The following BCL11B variants were observed in gnomAD, a reference collection of about 807,000 sequenced individuals.
The protein encoded by BCL11B is B-cell lymphoma/leukemia 11B.
In BCL11B, 8 loss-of-function variants were observed where a neutral mutation model predicts 49.9. The ratio of observed to expected loss-of-function variants is 0.16; its 90% CI spans 0.09 to 0.29. The LOEUF (loss-of-function observed/expected upper bound fraction) is 0.29, where lower values mean the gene tolerates loss of function less well. BCL11B is among the 10% of genes least tolerant of loss of function. BCL11B has a pLI of 1.00. For synonymous variants in BCL11B, 739 were observed against 637.4 expected, an observed-to-expected ratio of 1.16 and a Z score of -2.40; for missense variants, 1,006 against 1,351.0, an observed-to-expected ratio of 0.74 and a Z score of 4.00.
chr14:99,207,311 C>A (rs989419048), intron 3 of BCL11B, among the ~76,000 whole-genome samples: 2 of 152,136 alleles, frequency 1.3e-5, no homozygotes, highest in African/African-American at 2.4e-5. Flanking sequence ...GCTCAGGGGG[C>A]CCCCTGCACC....
At chr14:99,178,445 C>T (rs1886602896) in intron 3 of BCL11B, among the ~76,000 whole-genome samples, 1 of 152,190 alleles carries the variant, frequency 6.6e-6, no homozygotes. Flanking sequence ...GGACGCCTTC[C>T]CAAGGCCCTG....
At chr14:99,249,583 T>C (rs1229272749) in intron 2 of BCL11B, among the ~76,000 whole-genome samples, 2 of 151,994 alleles carry the variant, frequency 1.3e-5, no homozygotes, top group Non-Finnish European at 2.9e-5. Context: ...GGCAGAGAGG[T>C]GGATGGAATG....
Position 99,262,769 on chromosome 14 carries a change from A to C in BCL11B, c.59-4930T>G. Among the ~76,000 whole-genome samples, 1 of 151,918 alleles carries C rather than the reference A, an allele frequency of 6.6e-6. No individual in the cohort carries two copies. Among genetic ancestry groups the C allele is most frequent in the Admixed American group, 6.6e-5 (1 of 15,264 alleles). ...CTCCAGGCGACACGGAAACGCCACCACACGCACACTCGACGGAGCACAACA... is the reference window on the plus strand; with the variant it reads ...CTCCAGGCGACACGGAAACGCCACCCCACGCACACTCGACGGAGCACAACA... On this transcript the variant is annotated intron_variant, in intron 1 of 3. Coordinates refer to ENST00000357195, the MANE Select transcript of BCL11B (RefSeq NM_138576.4). The surrounding 1 kb of genome is among the most constrained non-coding windows in gnomAD (Gnocchi z 4.2).
At chr14:99,258,341 C>T (rs987658439) in intron 1 of BCL11B, among the ~76,000 whole-genome samples, 3 of 152,198 alleles carry the variant, frequency 2.0e-5, no homozygotes, top group Non-Finnish European at 2.9e-5. Flanking sequence ...TTCCAATGGG[C>T]AGCCAGGGCC....
chr14:99,231,437 A>C lies in BCL11B; in HGVS notation c.548T>G (p.Leu183Arg). Residue 183 changes from leucine to arginine, a missense_variant, in exon 3 of 4, where the codon CTG becomes CGG. By Grantham distance (102) the Leu-to-Arg change is moderately radical. Around this residue, in one of 6 missense-constraint regions of BCL11B, gnomAD observed 411 missense variants for 542.2 expected, o/e 0.76. Coordinates refer to ENST00000357195, the MANE Select transcript of BCL11B (RefSeq NM_138576.4). The surrounding 1 kb of genome is among the most constrained non-coding windows in gnomAD (Gnocchi z 8.1). ...GACCGGGCGCGCGCTGCAGCACGGCAGGGGGAGGCAGGGCGGGAGAGCGCC... is the reference window on the plus strand; with the variant it reads ...GACCGGGCGCGCGCTGCAGCACGGCCGGGGGAGGCAGGGCGGGAGAGCGCC... The part of the protein sequence containing the change: ...ALGALPPCLP[L>R]PCCSARPVSG... 1 of 1,596,242 alleles carries C rather than the reference A, an allele frequency of 6.3e-7. No homozygotes were observed. The highest frequency in any genetic ancestry group is 8.5e-7 in the Non-Finnish European group (1 of 1,170,994).
At chr14:99,244,579 C>T (rs935899830) in intron 2 of BCL11B, among the ~76,000 whole-genome samples, 1 of 152,186 alleles carries the variant, frequency 6.6e-6, no homozygotes, top group Admixed American at 6.5e-5. Flanking sequence ...TATAAATGGA[C>T]GTCTGAGAAA....
chr14:99,265,978 C>T (rs919977078), intron 1 of BCL11B, among the ~76,000 whole-genome samples: 2 of 152,152 alleles, frequency 1.3e-5, no homozygotes, highest in African/African-American at 4.8e-5. Flanking sequence ...TGATCAAAAG[C>T]ACATATATTC....
In BCL11B at chr14:99,231,440, G is replaced by A. The variant is rs1888331793; in HGVS notation, c.545C>T (p.Pro182Leu). 6.3e-7 allele frequency: 1 copy of A among 1,597,368 alleles called. No individual in the cohort carries two copies. ...RALGALPPCL[P>L]LPCCSARPVS... ...CGGGCGCGCGCTGCAGCACGGCAGG[G>A]GGAGGCAGGGCGGGAGAGCGCCCAG... Residue 182 changes from proline (P) to leucine (L), a missense_variant, in exon 3 of 4, where the codon CCC becomes CTC. This residue lies in a region of BCL11B where 411 missense variants were observed against 542.2 expected (regional missense o/e 0.76). Coordinates refer to ENST00000357195, the MANE Select transcript of BCL11B (RefSeq NM_138576.4). The surrounding 1 kb of genome is among the most constrained non-coding windows in gnomAD (Gnocchi z 8.1).
chr14:99,178,916 C>T (rs1016543991), intron 3 of BCL11B, among the ~76,000 whole-genome samples: 1 of 152,170 alleles, frequency 6.6e-6, no homozygotes, highest in Non-Finnish European at 1.5e-5. Context: ...TTCATCATCT[C>T]TGTTTCCCTG....
At chr14:99,229,047 G>GATGGATGGATGGATGC (rs1888243726) in intron 3 of BCL11B, among the ~76,000 whole-genome samples, 7 of 104,322 alleles carry the variant, frequency 6.7e-5, no homozygotes, top group Admixed American at 9.7e-5. Context: ...TGGATGCATG[G>GATGGATGGATGGATGC]ATGGATGGAT....
At chr14:99,215,135 G>A (rs561734504) in intron 3 of BCL11B, among the ~76,000 whole-genome samples, 26 of 110,840 alleles carry the variant, frequency 2.3e-4, no homozygotes, top group African/African-American at 8.8e-4. Flanking sequence ...AGATATCCAC[G>A]TTCTCCCTCC....
At chr14:99,252,548 G>C (rs1889036967) in intron 2 of BCL11B, among the ~76,000 whole-genome samples, 1 of 152,114 alleles carries the variant, frequency 6.6e-6, no homozygotes, top group Admixed American at 6.5e-5. Flanking sequence ...ACCCTTATCT[G>C]TGCCCCACCT....
In BCL11B at chr14:99,175,223, T is replaced by A. The variant is rs765901794; in HGVS notation, c.1613A>T (p.Glu538Val). Residue 538 changes from glutamate (E) to valine (V), a missense_variant, in exon 4 of 4, where the codon GAG becomes GTG. Physicochemically the swap from Glu to Val is moderately radical, Grantham distance 121. Transcript: ENST00000357195. Reference sequence around the variant, plus strand: ...CAGTAGCAGCTCCTCCTCCTCCTCCTCCTCCTCCTCGTCCTCCTCCTCCGG... The same window carrying A: ...CAGTAGCAGCTCCTCCTCCTCCTCCACCTCCTCCTCGTCCTCCTCCTCCGG... ...HEPEEEDEEEEEEEEELLLEN... is the reference protein window; with the variant it reads ...HEPEEEDEEEVEEEEELLLEN... 3.2e-6 allele frequency: 5 copies of A among 1,551,072 alleles called. No homozygotes were observed. The highest frequency in any genetic ancestry group is 4.3e-6 in the Non-Finnish European group (5 of 1,150,768).
chr14:99,204,383 G>A (rs1887474400), intron 3 of BCL11B, among the ~76,000 whole-genome samples: 1 of 152,170 alleles, frequency 6.6e-6, no homozygotes, highest in African/African-American at 2.4e-5. Flanking sequence ...CCACTGGCCT[G>A]TCCTGAGCAC....
At chr14:99,265,967 A>G (rs979864989) in intron 1 of BCL11B, among the ~76,000 whole-genome samples, 9 of 152,202 alleles carry the variant, frequency 5.9e-5, no homozygotes, top group African/African-American at 2.2e-4. Flanking sequence ...TAGAAATCCT[A>G]TGATCAAAAG....
In BCL11B at chr14:99,173,132, G is replaced by C. The variant is rs1886344185; in HGVS notation, c.*1019C>G. 4.3e-6 allele frequency: 1 copy of C among 230,708 alleles called. No homozygotes were observed. The highest frequency in any genetic ancestry group is 2.2e-5 in the African/African-American group (1 of 45,182). The allele number at this position is 230,708 out of a possible 1,614,324, so 14.3% of individuals were successfully genotyped here. A position where few individuals can be genotyped will look rare whatever the true frequency, so the allele number is the denominator to read the frequency against. On this transcript the variant is annotated 3_prime_UTR_variant, in exon 4 of 4. Transcript: ENST00000357195. ...CCGTCAAGCCAGAAAACGCCTAAAA[G>C]AACACCGCTAGTTTCTTCCTTTCTG...
In BCL11B at chr14:99,184,394, A is replaced by C. The variant is rs886197750; in HGVS notation, c.641-8199T>G. ...TTTTGTCTTTGACCTTGGTGTGTTC[A>C]GCATGGCTACAGCCTGCACGTGCCA... is the stretch of plus-strand genomic sequence containing the variant. On this transcript the variant is annotated intron_variant, in intron 3 of 3. Transcript: ENST00000357195. The surrounding 1 kb of genome is among the most constrained non-coding windows in gnomAD (Gnocchi z 6.1). 8.5e-5 allele frequency among the ~76,000 whole-genome samples: 13 copies of C among 152,374 alleles called. No homozygotes were observed. The highest frequency in any genetic ancestry group is 4.1e-4 in the South Asian group (2 of 4,832).
rs1466357052 is a variant in BCL11B, at chr14:99,184,704, C to G, written c.641-8509G>C. On this transcript the variant is annotated intron_variant, in intron 3 of 3. Transcript: ENST00000357195. This position sits in a 1 kb window ranked among gnomAD's most constrained non-coding sequence, Gnocchi z 6.1. ...CTGAGCCAGCCCTGTCTAATCATTC[C>G]GCCTGCACCTGGGATTGCCAGCAAG... 6.6e-6 allele frequency among the ~76,000 whole-genome samples: 1 copy of G among 152,260 alleles called. No individual in the cohort carries two copies. Among genetic ancestry groups the G allele is most frequent in the Non-Finnish European group, 1.5e-5 (1 of 68,012 alleles).
chr14:99,240,973 A>G (rs940785065), intron 2 of BCL11B, among the ~76,000 whole-genome samples: 1 of 152,100 alleles, frequency 6.6e-6, no homozygotes, highest in African/African-American at 2.4e-5. Flanking sequence ...TATTCCCATT[A>G]GAAATTGGGG....
Sources: allele counts gnomAD v4.1 joint callset (sites outside exome capture counted in the v4.1 genomes callset), GRCh38; gene constraint gnomAD v4.1.1; regional missense constraint gnomAD v4.1.1; non-coding constraint Gnocchi (gnomAD v3.1); transcripts MANE v1.5; gene names NCBI Gene and HGNC (gene_info 2026-07-23, HGNC 2026-07-21).